The following ABCD3 variants were observed in gnomAD, a reference collection of about 807,000 sequenced individuals.
ABCD3 encodes the protein ATP-binding cassette sub-family D member 3.
In ABCD3, 41 loss-of-function variants were observed where a neutral mutation model predicts 105.5. The observed-to-expected ratio is 0.39, with a 90% confidence interval of 0.30 to 0.50. The LOEUF (loss-of-function observed/expected upper bound fraction) is 0.50. Ranked by LOEUF, ABCD3 falls within the 20% of genes least tolerant of loss-of-function variation. The probability of loss-of-function intolerance (pLI) is 0.84; values close to 1 mark genes in which losing one functional copy is unlikely to be tolerated. For synonymous variants in ABCD3, 258 were observed against 269.0 expected (o/e 0.96, Z 0.40); for missense variants, 622 against 806.3 (o/e 0.77, Z 2.77).
At chr1:94,425,759 ATTT>A (rs1360320122) in intron 1 of ABCD3, among the ~76,000 whole-genome samples, 2 of 152,220 alleles carry the variant, frequency 1.3e-5, no homozygotes, top group African/African-American at 2.4e-5. Flanking sequence ...TTGAAAGATT[ATTT>A]TAATTTGCAC....
the ABCD3 span, among the ~76,000 whole-genome samples, chr1:94,404,901 T>C: frequency 2.7e-5 from 4 of 146,596 alleles, no homozygotes; most frequent in Non-Finnish European, 5.9e-5. Flanking sequence ...ATTGCGCCGC[T>C]GCACTGCAGC....
chr1:94,439,332 T>G (rs1660048819), intron 1 of ABCD3, among the ~76,000 whole-genome samples: 1 of 152,042 alleles, frequency 6.6e-6, no homozygotes, highest in Non-Finnish European at 1.5e-5. Context: ...TCCAAAGGAT[T>G]TTTTTTTCAC....
At chr1:94,389,678 A>G in the ABCD3 span, among the ~76,000 whole-genome samples, 11 of 152,214 alleles carry the variant, frequency 7.2e-5, no homozygotes, top group African/African-American at 2.4e-4. Context: ...TTCCCACTCC[A>G]CATGCTATAT....
intron 1 of ABCD3, among the ~76,000 whole-genome samples, chr1:94,441,429 G>A (rs1051331946): frequency 4.0e-5 from 6 of 151,736 alleles, no homozygotes; most frequent in African/African-American, 1.4e-4. Flanking sequence ...TGCAGCCTTT[G>A]TGGAGGGGAA....
At chr1:94,475,853 CT>C in intron 7 of ABCD3, 116 bp downstream of exon 7, 1 of 794,502 alleles carries the variant, frequency 1.3e-6, no homozygotes, top group Non-Finnish European at 2.0e-6. Context: ...ATATTTAATG[CT>C]TTTATAAGAA....
At chr1:94,488,852 G>A (rs1289155534) in intron 13 of ABCD3, among the ~76,000 whole-genome samples, 1 of 150,398 alleles carries the variant, frequency 6.6e-6, no homozygotes, top group African/African-American at 2.4e-5. Flanking sequence ...TTTCTGTGTG[G>A]GTGTGTGTGT....
intron 1 of ABCD3, among the ~76,000 whole-genome samples, chr1:94,438,730 G>A (rs995850650): frequency 1.3e-5 from 2 of 152,096 alleles, no homozygotes; most frequent in Non-Finnish European, 2.9e-5. Context: ...GCAAAAGGAT[G>A]AACATTTTTT....
At chr1:94,433,628 G>GTTTT (rs33917832) in intron 1 of ABCD3, among the ~76,000 whole-genome samples, 6 of 136,174 alleles carry the variant, frequency 4.4e-5, no homozygotes, top group Admixed American at 1.5e-4. Flanking sequence ...ACAATGGTCA[G>GTTTT]TTTTTTTTTT....
chr1:94,430,648 G>A (rs927679239), intron 1 of ABCD3, among the ~76,000 whole-genome samples: 5 of 152,186 alleles, frequency 3.3e-5, no homozygotes, highest in East Asian at 1.9e-4. Flanking sequence ...CCCCAGCCAT[G>A]TGGAACTGTG....
At chr1:94,422,507 T>C (rs1308888867) in intron 1 of ABCD3, among the ~76,000 whole-genome samples, 1 of 152,184 alleles carries the variant, frequency 6.6e-6, no homozygotes, top group Non-Finnish European at 1.5e-5. Flanking sequence ...AGACTACTGC[T>C]CTAGGTATCC....
chr1:94,429,492 A>C (rs1659593025), intron 1 of ABCD3, among the ~76,000 whole-genome samples: 1 of 152,170 alleles, frequency 6.6e-6, no homozygotes, highest in Non-Finnish European at 1.5e-5. Context: ...AATTGGTTTC[A>C]TGGGTCCGTC....
the ABCD3 span, among the ~76,000 whole-genome samples, chr1:94,395,096 T>C: frequency 1.3e-5 from 2 of 152,182 alleles, no homozygotes; most frequent in Non-Finnish European, 1.5e-5. Context: ...ACTAAATGCC[T>C]TGGGTATCCT....
At chr1:94,402,412 A>G in the ABCD3 span, among the ~76,000 whole-genome samples, 1 of 152,118 alleles carries the variant, frequency 6.6e-6, no homozygotes, top group Non-Finnish European at 1.5e-5. Flanking sequence ...CCTTTGCTTT[A>G]TCATTTATGT....
the ABCD3 span, among the ~76,000 whole-genome samples, chr1:94,405,602 C>G: frequency 6.6e-6 from 1 of 152,188 alleles, no homozygotes; most frequent in Non-Finnish European, 1.5e-5. Context: ...CCGCCATTAT[C>G]AAGCTTTTGA....
intron 1 of ABCD3, among the ~76,000 whole-genome samples, chr1:94,448,567 T>C (rs942071264): frequency 3.9e-5 from 6 of 152,244 alleles, no homozygotes; most frequent in Non-Finnish European, 8.8e-5. Flanking sequence ...AATTGAGGTA[T>C]TGACTGCTTT....
intron 21 of ABCD3, among the ~76,000 whole-genome samples, chr1:94,512,222 C>T (rs1650708362): frequency 6.6e-6 from 1 of 152,004 alleles, no homozygotes; most frequent in African/African-American, 2.4e-5. Context: ...ACAGGACCCT[C>T]ACTACTGATT....
intron 1 of ABCD3, among the ~76,000 whole-genome samples, chr1:94,446,191 C>T (rs545814326): frequency 7.5e-4 from 115 of 152,344 alleles, no homozygotes; most frequent in Admixed American, 1.2e-3. Flanking sequence ...AACCCAATTT[C>T]GGGCCCCATT....
intron 1 of ABCD3, 57 bp downstream of exon 1, chr1:94,418,645 G>GCT: frequency 6.6e-7 from 1 of 1,520,166 alleles, no homozygotes; most frequent in Non-Finnish European, 8.8e-7. Flanking sequence ...CTCCCCGCGC[G>GCT]CTCTCTCTCC....
intron 7 of ABCD3, among the ~76,000 whole-genome samples, chr1:94,475,956 A>G (rs1411983794): frequency 1.3e-5 from 2 of 152,098 alleles, no homozygotes; most frequent in Admixed American, 6.6e-5. Flanking sequence ...TTAGTGTCTT[A>G]TAAGGATTTT....
Sources: allele counts gnomAD v4.1 joint callset (sites outside exome capture counted in the v4.1 genomes callset), GRCh38; gene constraint gnomAD v4.1.1; transcripts MANE v1.5; gene names NCBI Gene and HGNC (gene_info 2026-07-23, HGNC 2026-07-21).